ME3: variants seen among roughly 807,000 people sequenced by gnomAD.
ME3 encodes the protein NADP-dependent malic enzyme, mitochondrial.
A neutral mutation model predicts 68.9 loss-of-function variants in ME3; 48 were observed. The ratio of observed to expected loss-of-function variants is 0.70; its 90% CI spans 0.55 to 0.89. The LOEUF is 0.89. ME3 is among the 40% of genes least tolerant of loss of function. ME3 has a pLI of 0.00. For synonymous variants in ME3, 320 were observed against 318.8 expected (o/e 1.00, Z -0.04); for missense variants, 675 against 797.4 (o/e 0.85, Z 1.85).
intron 7 of ME3, among the ~76,000 whole-genome samples, chr11:86,475,872 T>TAG (rs1317802075): frequency 0.029 from 3,020 of 103,484 alleles, 38 homozygotes; most frequent in Admixed American, 0.046. Flanking sequence ...TATATATATA[T>TAG]ATAGAGAGAG....
intron 4 of ME3, among the ~76,000 whole-genome samples, chr11:86,524,366 C>G (rs1252437129): frequency 1.3e-5 from 2 of 152,182 alleles, no homozygotes; most frequent in Admixed American, 1.3e-4. Flanking sequence ...GAAAAACATC[C>G]TATCTGCTTG....
intron 4 of ME3, among the ~76,000 whole-genome samples, chr11:86,525,257 T>C (rs547259482): frequency 6.6e-6 from 1 of 152,212 alleles, no homozygotes; most frequent in East Asian, 1.9e-4. Flanking sequence ...ATATGAAAAG[T>C]AGTGAGCACA....
intron 2 of ME3, among the ~76,000 whole-genome samples, chr11:86,577,469 G>A (rs1958178852): frequency 6.6e-6 from 1 of 152,148 alleles, no homozygotes. Flanking sequence ...AATGTCGGGG[G>A]CCTCTTCTGT....
rs1267372823 is a variant in ME3, at chr11:86,534,912, A to G, written c.467+21641T>C. 4.1e-5 allele frequency among the ~76,000 whole-genome samples: 6 copies of G among 145,896 alleles called. No homozygotes were observed. The East Asian group carries it at 9.7e-4, about 24-fold the overall frequency. On this transcript the variant is annotated intron_variant, in intron 4 of 14. Transcript: ENST00000543262. ...AGCTTCTTGCAGGAGAAGAACTTGTAAGTAGTTTTAAAATGGAGAGTTTGG... is the reference window on the plus strand; with the variant it reads ...AGCTTCTTGCAGGAGAAGAACTTGTGAGTAGTTTTAAAATGGAGAGTTTGG...
chr11:86,488,175 G>A (rs913767353), intron 6 of ME3, among the ~76,000 whole-genome samples: 1 of 151,924 alleles, frequency 6.6e-6, no homozygotes, highest in Non-Finnish European at 1.5e-5. Flanking sequence ...ATGAGACCCT[G>A]TCTCAAAAAA....
intron 3 of ME3, 150 bp downstream of exon 3, chr11:86,559,540 A>C (rs546110961): frequency 3.5e-4 from 321 of 913,884 alleles, no homozygotes; most frequent in Admixed American, 4.3e-4. Context: ...GGAGACCATG[A>C]ATCCTTTAGA....
Position 86,581,703 on chromosome 11 carries a change from C to A in ME3, c.184-21880G>T, listed in dbSNP as rs150814188. Among the ~76,000 whole-genome samples the A allele has an allele frequency of 4.6e-5, 7 of 152,212 alleles. 1 individual carries two copies. Among genetic ancestry groups the A allele is most frequent in the African/African-American group, 2.4e-5 (1 of 41,542 alleles). Reference sequence around the variant, plus strand: ...GAGGCATGTCAAACACCACATGCCCCAAACCAAGCTCATCTTCCTGCATTC... The same window carrying A: ...GAGGCATGTCAAACACCACATGCCCAAAACCAAGCTCATCTTCCTGCATTC... On this transcript the variant is annotated intron_variant, in intron 2 of 14. Coordinates refer to ENST00000543262, the Ensembl canonical transcript of ME3.
At chr11:86,603,894 A>G (rs1022099162) in intron 2 of ME3, among the ~76,000 whole-genome samples, 5 of 138,518 alleles carry the variant, frequency 3.6e-5, no homozygotes, top group African/African-American at 8.1e-5. Context: ...GAATTGAACA[A>G]TGAGAACACA....
At chr11:86,514,989 A>G (rs1953792161) in intron 4 of ME3, among the ~76,000 whole-genome samples, 1 of 152,234 alleles carries the variant, frequency 6.6e-6, no homozygotes, top group Admixed American at 6.5e-5. Flanking sequence ...TGTTTTAGCT[A>G]GAATCATCCA....
chr11:86,548,751 G>C (rs1270481298), intron 4 of ME3, among the ~76,000 whole-genome samples: 1 of 152,130 alleles, frequency 6.6e-6, no homozygotes, highest in Non-Finnish European at 1.5e-5. Context: ...TCACTTTATA[G>C]ATGAGGAAAG....
Position 86,481,743 on chromosome 11 carries a change from G to A in ME3, c.809+5594C>T, listed in dbSNP as rs968666475. ...ATAACCCAGAGCCTCCTTTAGCCTCGGAGTTGCTATTTAGTTGTGGGAGTT... is the reference window on the plus strand; with the variant it reads ...ATAACCCAGAGCCTCCTTTAGCCTCAGAGTTGCTATTTAGTTGTGGGAGTT... On this transcript the variant is annotated intron_variant, in intron 7 of 14. Coordinates refer to ENST00000543262, the Ensembl canonical transcript of ME3. Among the ~76,000 whole-genome samples, 3 of 152,122 alleles carry A rather than the reference G, an allele frequency of 2.0e-5. No individual in the cohort carries two copies. The South Asian group carries it at 6.2e-4, about 32-fold the overall frequency.
chr11:86,603,410 C>T (rs1386554838), intron 2 of ME3, among the ~76,000 whole-genome samples: 3 of 152,158 alleles, frequency 2.0e-5, no homozygotes, highest in East Asian at 3.8e-4. Context: ...TACCATCTCA[C>T]ACCAGTTAGA....
chr11:86,544,731 A>G (rs1468631051), intron 4 of ME3, among the ~76,000 whole-genome samples: 1 of 152,208 alleles, frequency 6.6e-6, no homozygotes. Context: ...CTAGAGGTAC[A>G]AAGAGGAACT....
chr11:86,627,872 A>AAGCAATTCCCAGTTTCAACACCACGCG (rs1943760309), intron 2 of ME3, among the ~76,000 whole-genome samples: 2 of 152,102 alleles, frequency 1.3e-5, no homozygotes, highest in African/African-American at 4.8e-5. Context: ...AACACCACGC[A>AAGCAATTCCCAGTTTCAACACCACGCG]TAAGCAATTC....
intron 4 of ME3, among the ~76,000 whole-genome samples, chr11:86,544,208 A>T (rs1415469649): frequency 6.6e-6 from 1 of 152,226 alleles, no homozygotes; most frequent in East Asian, 1.9e-4. Context: ...AGCAGGAAAG[A>T]TCTAAAACTG....
chr11:86,522,353 AT>A (rs1238897922), intron 4 of ME3, among the ~76,000 whole-genome samples: 43 of 149,474 alleles, frequency 2.9e-4, no homozygotes, highest in South Asian at 1.1e-3. Flanking sequence ...TGTAATGACT[AT>A]TTTTTTCTTT....
intron 2 of ME3, among the ~76,000 whole-genome samples, chr11:86,621,971 A>T (rs1450251904): frequency 6.6e-6 from 1 of 152,014 alleles, no homozygotes; most frequent in Non-Finnish European, 1.5e-5. Context: ...ATAACAGGAA[A>T]GTTTCAACTT....
At chr11:86,581,411 G>A (rs552304354) in intron 2 of ME3, among the ~76,000 whole-genome samples, 1 of 152,232 alleles carries the variant, frequency 6.6e-6, no homozygotes, top group African/African-American at 2.4e-5. Context: ...CTAGCTGCAT[G>A]GCCTAGGTAT....
chr11:86,528,367 A>T (rs184072014), intron 4 of ME3, among the ~76,000 whole-genome samples: 8,084 of 152,268 alleles, frequency 0.053, 291 homozygotes, highest in Non-Finnish European at 0.081. Context: ...AAGTCCTTAG[A>T]GACCTACAAA....
Sources: gnomAD v4.1 joint callset for allele counts (sites outside exome capture counted in the v4.1 genomes callset) on GRCh38, gnomAD v4.1.1 for gene constraint, MANE v1.5 for transcripts, NCBI Gene and HGNC (gene_info 2026-07-23, HGNC 2026-07-21) for gene names.